The following CAMTA1 variants were observed in gnomAD, a reference collection of about 807,000 sequenced individuals.
CAMTA1 encodes calmodulin-binding transcription activator 1.
Under a neutral mutation model 170.9 loss-of-function variants are expected in CAMTA1, and 27 were observed. The observed-to-expected ratio is 0.16, with a 90% CI of 0.12 to 0.22. CAMTA1 has a LOEUF of 0.22. Ranked by LOEUF, CAMTA1 falls within the 10% of genes least tolerant of loss-of-function variation. CAMTA1 has a pLI of 1.00. For synonymous variants in CAMTA1, 833 were observed against 891.5 expected (o/e 0.93, Z 1.17); for missense variants, 1,619 against 2,217.2 (o/e 0.73, Z 5.42).
At chr1:7,148,625 G>A (rs1037327034) in intron 4 of CAMTA1, among the ~76,000 whole-genome samples, 3 of 152,194 alleles carry the variant, frequency 2.0e-5, no homozygotes, top group African/African-American at 7.2e-5. Context: ...GCAGTTGGAT[G>A]TGGCCAGCCG....
At chr1:7,737,225 G>A (rs777203303) in intron 14 of CAMTA1, 30 bp from the exon 15 acceptor site, 8 of 1,598,838 alleles carry the variant, frequency 5.0e-6, no homozygotes, top group Non-Finnish European at 6.0e-6. Flanking sequence ...CTCTGATTGA[G>A]AACGCTTGCT....
At chr1:7,472,227 C>A (rs555622610) in intron 6 of CAMTA1, among the ~76,000 whole-genome samples, 43 of 152,254 alleles carry the variant, frequency 2.8e-4, no homozygotes, top group African/African-American at 9.9e-4. Flanking sequence ...CCTTAGGAGA[C>A]CACAGGACAG....
intron 3 of CAMTA1, among the ~76,000 whole-genome samples, chr1:6,932,895 T>C (rs2149382192): frequency 6.6e-6 from 1 of 152,366 alleles, no homozygotes; most frequent in African/African-American, 2.4e-5. Context: ...TAAAGTTCTT[T>C]ATCAGATATA....
chr1:7,181,889 A>G (rs1231738003), intron 4 of CAMTA1, among the ~76,000 whole-genome samples: 1 of 152,154 alleles, frequency 6.6e-6, no homozygotes, highest in Non-Finnish European at 1.5e-5. Context: ...ACAAACATGC[A>G]GTAACCACGA....
At chr1:7,569,398 ACATCACCAT>A (rs1467410016) in intron 6 of CAMTA1, among the ~76,000 whole-genome samples, 3 of 147,952 alleles carry the variant, frequency 2.0e-5, no homozygotes, top group African/African-American at 7.5e-5. Context: ...CATCATCACC[ACATCACCAT>A]CATCATCATC....
intron 4 of CAMTA1, among the ~76,000 whole-genome samples, chr1:7,212,949 C>G (rs1424218818): frequency 6.6e-6 from 1 of 152,188 alleles, no homozygotes; most frequent in East Asian, 1.9e-4. Flanking sequence ...GAGTTTACTT[C>G]TTTTTATTGC....
At chr1:7,632,660 A>G (rs2095679258) in intron 6 of CAMTA1, among the ~76,000 whole-genome samples, 1 of 152,250 alleles carries the variant, frequency 6.6e-6, no homozygotes, top group Non-Finnish European at 1.5e-5. Context: ...GCGGAGATGG[A>G]GGAGCCGAGG....
chr1:6,869,458 A>C (rs1038372198), intron 3 of CAMTA1, among the ~76,000 whole-genome samples: 1 of 152,108 alleles, frequency 6.6e-6, no homozygotes, highest in Non-Finnish European at 1.5e-5. Context: ...AACAGACCGG[A>C]CTCAGAATCA....
intron 1 of CAMTA1, among the ~76,000 whole-genome samples, chr1:6,793,059 T>C (rs574433161): frequency 2.0e-5 from 3 of 152,158 alleles, no homozygotes; most frequent in Admixed American, 6.5e-5. Context: ...TATATATATA[T>C]ACCCCACTCT....
intron 3 of CAMTA1, among the ~76,000 whole-genome samples, chr1:6,895,816 C>G (rs1181025941): frequency 6.6e-6 from 1 of 152,118 alleles, no homozygotes; most frequent in African/African-American, 2.4e-5. Context: ...AGGTGATAGT[C>G]CCCTGTCACT....
At chr1:7,513,155 G>A (rs937441671) in intron 6 of CAMTA1, among the ~76,000 whole-genome samples, 2 of 152,168 alleles carry the variant, frequency 1.3e-5, no homozygotes, top group African/African-American at 2.4e-5. Context: ...GGGAGGTGAT[G>A]CGGACCTCCA....
rs2095985636 is a variant in CAMTA1, at chr1:7,664,492, A to G, written c.1945A>G (p.Thr649Ala). The G allele has an allele frequency of 6.2e-7, 1 of 1,613,082 alleles. No individual in the cohort carries two copies. Among genetic ancestry groups the G allele is most frequent in the East Asian group, 2.2e-5 (1 of 44,872 alleles). The change falls in exon 9 of 23, where the codon ACG becomes GCG. Residue 649 changes from threonine (T) to alanine (A), a missense_variant. Thr to Ala is a moderately conservative substitution (Grantham distance 58, BLOSUM62 0). Transcript: ENST00000303635. ...GGTFVMPTVK[T>A]EASSQTSSCS... ...CACCTTCGTGATGCCCACGGTGAAAACGGAGGCCTCGTCCCAAACCAGCTC... is the reference window on the plus strand; with the variant it reads ...CACCTTCGTGATGCCCACGGTGAAAGCGGAGGCCTCGTCCCAAACCAGCTC...
In CAMTA1 at chr1:6,989,685, C is replaced by T. The variant is rs186760258; in HGVS notation, c.235-101619C>T. On this transcript the variant is annotated intron_variant, in intron 3 of 22. Coordinates refer to ENST00000303635, the MANE Select transcript of CAMTA1 (RefSeq NM_015215.4). ...CCCCCACGTCACTGGCAGGGGTGTA[C>T]TGGAATGCTGGCATGGGGGTGCTAC... 9.9e-5 allele frequency among the ~76,000 whole-genome samples: 15 copies of T among 152,268 alleles called. No individual in the cohort carries two copies. In the East Asian group the frequency reaches 1.7e-3, roughly 18 times the overall value.
At chr1:7,262,625 A>G (rs1239569330) in intron 5 of CAMTA1, among the ~76,000 whole-genome samples, 1 of 152,204 alleles carries the variant, frequency 6.6e-6, no homozygotes, top group Non-Finnish European at 1.5e-5. Context: ...TGCCTTGATC[A>G]TTGCTTTACA....
chr1:6,928,886 G>A (rs1011337126), intron 3 of CAMTA1, among the ~76,000 whole-genome samples: 9 of 152,168 alleles, frequency 5.9e-5, no homozygotes, highest in Non-Finnish European at 1.3e-4. Flanking sequence ...CAGAGACCAC[G>A]TCCATCTGCA....
At chr1:6,829,178 C>T (rs1648647268) in intron 3 of CAMTA1, among the ~76,000 whole-genome samples, 1 of 152,176 alleles carries the variant, frequency 6.6e-6, no homozygotes, top group Non-Finnish European at 1.5e-5. Flanking sequence ...GCTGGGATTA[C>T]AGGTGTGAGC....
chr1:7,594,230 GA>G (rs1557972968), intron 6 of CAMTA1, among the ~76,000 whole-genome samples: 1 of 150,686 alleles, frequency 6.6e-6, no homozygotes, highest in Non-Finnish European at 1.5e-5. Context: ...AGGAAGGAAG[GA>G]AGGAAGGAAG....
chr1:7,367,461 G>C (rs372413249), intron 5 of CAMTA1, among the ~76,000 whole-genome samples: 1 of 152,212 alleles, frequency 6.6e-6, no homozygotes, highest in African/African-American at 2.4e-5. Context: ...CATGGGTGAG[G>C]CCGGCTCAGC....
chr1:6,790,913 C>T (rs915768254), intron 1 of CAMTA1, among the ~76,000 whole-genome samples: 1 of 152,134 alleles, frequency 6.6e-6, no homozygotes, highest in Non-Finnish European at 1.5e-5. Context: ...ATCTCCACAA[C>T]GTATATAGAA....
Sources: allele counts gnomAD v4.1 joint callset (sites outside exome capture counted in the v4.1 genomes callset), GRCh38; gene constraint gnomAD v4.1.1; transcripts MANE v1.5; gene names NCBI Gene and HGNC (gene_info 2026-07-23, HGNC 2026-07-21).